FAM53C: variants seen among roughly 807,000 people sequenced by gnomAD.
FAM53C encodes family with sequence similarity 53 member C, also known as protein FAM53C.
Under a neutral mutation model 34.7 loss-of-function variants are expected in FAM53C, and 10 were observed. That is an observed-to-expected ratio of 0.29 (90% confidence interval 0.18 to 0.49). The LOEUF is 0.49. FAM53C is among the 20% of genes least tolerant of loss of function. FAM53C has a pLI of 0.99. For synonymous variants in FAM53C, 203 were observed against 203.6 expected (o/e 1.00, Z 0.03); for missense variants, 442 against 515.3 (o/e 0.86, Z 1.38).
In FAM53C at chr5:138,346,670, A is replaced by T. The variant is rs1030636914; in HGVS notation, c.922-32A>T. 4.3e-6 allele frequency: 7 copies of T among 1,611,140 alleles called. No individual in the cohort carries two copies. The African/African-American group carries it at 9.4e-5, about 22-fold the overall frequency. On this transcript the variant is annotated intron_variant, in intron 4 of 4. Transcript: ENST00000239906. ...CTCACCCTAAAGAATTCTTGCCTTC[A>T]GGTGTAACTGTCTTCTTTGTTTGTT... is the stretch of plus-strand genomic sequence containing the variant.
chr5:138,343,550 T>C (rs944338072), intron 3 of FAM53C, among the ~76,000 whole-genome samples: 14 of 151,832 alleles, frequency 9.2e-5, no homozygotes, highest in African/African-American at 3.4e-4. Flanking sequence ...CTGTAGTGAA[T>C]AACCTTGTAC....
Position 138,344,906 on chromosome 5 carries a change from G to T in FAM53C, c.218G>T (p.Gly73Val). 1 of 1,613,840 alleles carries T rather than the reference G, an allele frequency of 6.2e-7. No individual in the cohort carries two copies. Among genetic ancestry groups the T allele is most frequent in the Non-Finnish European group, 8.5e-7 (1 of 1,179,908 alleles). The change falls in exon 4 of 5, where the codon GGC becomes GTC. Residue 73 changes from glycine to valine, a missense_variant. Transcript: ENST00000239906. ...CTCAACTTCAGCTACCATCCCTCAGGCCTGAGCCTGCACCTCAGACCACCC... is the reference window on the plus strand; with the variant it reads ...CTCAACTTCAGCTACCATCCCTCAGTCCTGAGCCTGCACCTCAGACCACCC... ...DSLNFSYHPS[G>V]LSLHLRPPSR...
chr5:138,342,137 A>C, intron 3 of FAM53C: 1 of 437,940 alleles, frequency 2.3e-6, no homozygotes. Context: ...AAATAACAAC[A>C]AAAAGGTTAT....
At chr5:138,340,844 G>C (rs1761014485) in intron 1 of FAM53C, among the ~76,000 whole-genome samples, 1 of 152,212 alleles carries the variant, frequency 6.6e-6, no homozygotes, top group Non-Finnish European at 1.5e-5. Flanking sequence ...ATACTGGGCT[G>C]ATCTTGATGG....
intron 1 of FAM53C, among the ~76,000 whole-genome samples, chr5:138,339,270 C>T (rs1760946309): frequency 6.6e-6 from 1 of 152,110 alleles, no homozygotes; most frequent in Non-Finnish European, 1.5e-5. Context: ...AAGAGGAGGC[C>T]CCTCGCGGAG....
Position 138,345,405 on chromosome 5 carries a change from G to A in FAM53C, c.717G>A (p.Pro239=), listed in dbSNP as rs750221598. The A allele has an allele frequency of 3.1e-6, 5 of 1,613,720 alleles. No individual in the cohort carries two copies. The highest frequency in any genetic ancestry group is 4.2e-6 in the Non-Finnish European group (5 of 1,180,032). Residue 239 remains proline, a synonymous_variant, in exon 4 of 5, where the codon CCG becomes CCA. Transcript: ENST00000239906. The surrounding 1 kb of genome is among the most constrained non-coding windows in gnomAD (Gnocchi z 6.3). The part of the protein sequence containing the change: ...RRFSLSPSLG[P]QASRFLPSAR... ...TCTCCCTGTCACCCAGTCTGGGCCC[G>A]CAGGCAAGCCGCTTCTTGCCCTCTG...
rs1331385807 is a variant in FAM53C, at chr5:138,341,838, C to T, written c.108C>T (p.Asn36=). Residue 36 remains asparagine (N), a synonymous_variant, in exon 3 of 5, where the codon AAC becomes AAT. Transcript: ENST00000239906. ...TGCCTGATCATGCAGACATCTCCAA[C>T]TGTGGGAACTCTTTCCAGCTTGTGT... ...LPLPDHADIS[N]CGNSFQLVSE... 6.2e-7 allele frequency: 1 copy of T among 1,614,208 alleles called. No individual in the cohort carries two copies. Among genetic ancestry groups the T allele is most frequent in the Non-Finnish European group, 8.5e-7 (1 of 1,180,030 alleles).
In FAM53C at chr5:138,347,175, C is replaced by T; in HGVS notation, c.*216C>T. ...GGAGCTGGTGGCGGGAGGGACAGCC[C>T]CAGAGCAGACCCTTCCTATGGCGGC... is the stretch of plus-strand genomic sequence containing the variant. On this transcript the variant is annotated 3_prime_UTR_variant, in exon 5 of 5. Coordinates refer to ENST00000239906, the MANE Select transcript of FAM53C (RefSeq NM_016605.3). The T allele has an allele frequency of 4.8e-6, 3 of 628,200 alleles. No individual in the cohort carries two copies. The highest frequency in any genetic ancestry group is 8.1e-6 in the Non-Finnish European group (3 of 369,846). The allele number at this position is 628,200 out of a possible 1,614,324, so 38.9% of individuals were successfully genotyped here.
Position 138,346,845 on chromosome 5 carries a change from A to C in FAM53C, c.1065A>C (p.Glu355Asp). The change falls in exon 5 of 5, where the codon GAA becomes GAC. Residue 355 changes from glutamate (E) to aspartate (D), a missense_variant. Transcript: ENST00000239906. ...PTGGSSQVLS[E>D]SEEEEEGAVR... The stretch of plus-strand genomic sequence containing the variant: ...GGGGTTCCTCCCAGGTGCTGAGTGA[A>C]AGCGAAGAGGAGGAGGAGGGGGCTG... 6.2e-7 allele frequency: 1 copy of C among 1,614,100 alleles called. No homozygotes were observed.
At position 138,345,329 on chromosome 5, in the gene FAM53C, C is replaced by T; in HGVS notation, c.641C>T (p.Ser214Phe). 1 of 1,614,242 alleles carries T rather than the reference C, an allele frequency of 6.2e-7. No homozygotes were observed. The highest frequency in any genetic ancestry group is 2.2e-5 in the East Asian group (1 of 44,882). ...RPCAASPQSG[S>F]WESDAESLSP... ...TGCGCCGCCTCCCCTCAAAGTGGCT[C>T]CTGGGAGAGTGATGCTGAGTCCTTG... The change falls in exon 4 of 5, where the codon TCC becomes TTC. Residue 214 changes from serine to phenylalanine, a missense_variant. Transcript: ENST00000239906. This position sits in a 1 kb window ranked among gnomAD's most constrained non-coding sequence, Gnocchi z 6.3.
In FAM53C at chr5:138,347,090, G is replaced by A. The variant is rs1761201710; in HGVS notation, c.*131G>A. ...GGAGGGCTCCGACTCAGGGCAGCTGGAAATCTTCTCGCTCCAGCAAGCTCG... is the reference window on the plus strand; with the variant it reads ...GGAGGGCTCCGACTCAGGGCAGCTGAAAATCTTCTCGCTCCAGCAAGCTCG... On this transcript the variant is annotated 3_prime_UTR_variant, in exon 5 of 5. Transcript: ENST00000239906. The A allele has an allele frequency of 9.4e-6, 12 of 1,280,370 alleles. 1 individual carries two copies. In the South Asian group the frequency reaches 1.6e-4, roughly 18 times the overall value. 79.3% of individuals were successfully genotyped at this position (1,280,370 alleles called of 1,614,324 possible).
chr5:138,346,816 A>G lies in FAM53C; in HGVS notation c.1036A>G (p.Thr346Ala). ...PPPLSASCSP[T>A]GGSSQVLSES... ...ACCCCTCTCTGCTTCCTGCAGCCCCACTGGGGGTTCCTCCCAGGTGCTGAG... is the reference window on the plus strand; with the variant it reads ...ACCCCTCTCTGCTTCCTGCAGCCCCGCTGGGGGTTCCTCCCAGGTGCTGAG... The change falls in exon 5 of 5, where the codon ACT becomes GCT. Residue 346 changes from threonine to alanine, a missense_variant. Thr to Ala is a moderately conservative substitution (Grantham distance 58). Transcript: ENST00000239906. 6.2e-7 allele frequency: 1 copy of G among 1,613,946 alleles called. No individual in the cohort carries two copies. Among genetic ancestry groups the G allele is most frequent in the Non-Finnish European group, 8.5e-7 (1 of 1,179,980 alleles).
At chr5:138,339,760 A>C (rs1213536267) in intron 1 of FAM53C, among the ~76,000 whole-genome samples, 1 of 152,216 alleles carries the variant, frequency 6.6e-6, no homozygotes, top group African/African-American at 2.4e-5. Flanking sequence ...GGGTGGTAAT[A>C]ATTATGCATG....
At chr5:138,339,510 T>C (rs982238277) in intron 1 of FAM53C, among the ~76,000 whole-genome samples, 2 of 152,204 alleles carry the variant, frequency 1.3e-5, no homozygotes, top group Non-Finnish European at 2.9e-5. Context: ...GTTTGCTGTT[T>C]GTCCAAATGC....
rs61662402 is a variant in FAM53C, at chr5:138,347,114, C to T, written c.*155C>T. ...GGAAATCTTCTCGCTCCAGCAAGCT[C>T]GACCATGCCAAGAGACTGGCCGGGA... On this transcript the variant is annotated 3_prime_UTR_variant, in exon 5 of 5. Coordinates refer to ENST00000239906, the MANE Select transcript of FAM53C (RefSeq NM_016605.3). 2.9e-4 allele frequency: 304 copies of T among 1,062,964 alleles called. 1 individual carries two copies. Among genetic ancestry groups the T allele is most frequent in the African/African-American group, 2.7e-3 (175 of 63,690 alleles). The allele number at this position is 1,062,964 out of a possible 1,614,324, so 65.8% of individuals were successfully genotyped here. A position where few individuals can be genotyped will look rare whatever the true frequency, so the allele number is the denominator to read the frequency against.
At chr5:138,346,549 G>A (rs1475611127) in intron 4 of FAM53C, among the ~76,000 whole-genome samples, 153 bp from the exon 5 acceptor site, 12 of 152,162 alleles carry the variant, frequency 7.9e-5, no homozygotes, top group African/African-American at 2.4e-4. Context: ...GCGTGAACCC[G>A]GGAGGCAGAG....
At chr5:138,337,932 G>C (rs1412653711), upstream of FAM53C, 119 of 1,281,928 alleles carry the variant, frequency 9.3e-5, no homozygotes, top group Non-Finnish European at 1.1e-4. Context: ...AGGGAGGGAG[G>C]GCAGGGGCGA....
At position 138,341,335 on chromosome 5, in the gene FAM53C, C is replaced by A; in HGVS notation, c.-1C>A. On this transcript the variant is annotated 5_prime_UTR_variant, in exon 2 of 5. Transcript: ENST00000239906. ...GTGCAAGTCAAATCCTGGGGAGAATCATGATAACCCTGATCACTGAGCAGC... is the reference window on the plus strand; with the variant it reads ...GTGCAAGTCAAATCCTGGGGAGAATAATGATAACCCTGATCACTGAGCAGC... 6 of 1,613,672 alleles carry A rather than the reference C, an allele frequency of 3.7e-6. No individual in the cohort carries two copies. Among genetic ancestry groups the A allele is most frequent in the South Asian group, 1.1e-5 (1 of 91,060 alleles).
At chr5:138,341,905 A>T (rs754362598) in intron 3 of FAM53C, 39 bp downstream of exon 3, 2 of 1,595,492 alleles carry the variant, frequency 1.3e-6, no homozygotes, top group African/African-American at 2.7e-5. Flanking sequence ...GTGTGTACCC[A>T]TTCCTCTCTC....
Sources: allele counts gnomAD v4.1 joint callset (sites outside exome capture counted in the v4.1 genomes callset), GRCh38; gene constraint gnomAD v4.1.1; non-coding constraint Gnocchi (gnomAD v3.1); transcripts MANE v1.5; gene names NCBI Gene and HGNC (gene_info 2026-07-23, HGNC 2026-07-21).